Variants in PALD1 observed in about 807,000 individuals in gnomAD.
The protein encoded by PALD1 is phosphatase domain containing paladin 1, also known as paladin.
Under a neutral mutation model 96.0 loss-of-function variants are expected in PALD1, and 57 were observed. The observed-to-expected ratio is 0.59, with a 90% CI of 0.48 to 0.74. PALD1 has a LOEUF of 0.74. Among genes scored for constraint, PALD1 ranks in the 30% least tolerant of loss-of-function variants. PALD1 has a pLI of 0.00. For synonymous variants in PALD1, 464 were observed against 473.6 expected (o/e 0.98, Z 0.26); for missense variants, 1,063 against 1,143.7 (o/e 0.93, Z 1.02).
chr10:70,533,850 T>C (rs1467341204), intron 7 of PALD1, 72 bp from the exon 8 acceptor site: 6 of 1,386,586 alleles, frequency 4.3e-6, no homozygotes, highest in African/African-American at 1.5e-5. Context: ...ATGTCATGCT[T>C]TTCTCCCTGC....
upstream of PALD1, among the ~76,000 whole-genome samples, chr10:70,476,995 G>T (rs533712314): frequency 1.5e-4 from 22 of 151,400 alleles, no homozygotes; most frequent in African/African-American, 5.1e-4. Flanking sequence ...GTATATATTT[G>T]TATACATATA....
rs553227573 is a variant in PALD1 at position 70,484,050 on chromosome 10, T to A, written c.-30+4991T>A. 5.9e-5 allele frequency among the ~76,000 whole-genome samples: 9 copies of A among 152,336 alleles called. No individual in the cohort carries two copies. The East Asian group carries it at 1.7e-3, about 29-fold the overall frequency. On this transcript the variant is annotated intron_variant, in intron 1 of 19. Transcript: ENST00000263563. ...TGGAGTCTCACTCTGTTGCCCAGGC[T>A]GGAGTGCAGTGGCGCATTCTTAGCT...
the PALD1 span, among the ~76,000 whole-genome samples, chr10:70,464,940 TGTATGTATGTA>T: frequency 2.6e-5 from 2 of 76,886 alleles, no homozygotes; most frequent in African/African-American, 1.7e-4. Flanking sequence ...TATGTACACT[TGTATGTATGTA>T]TGTATGTATG....
intron 18 of PALD1, among the ~76,000 whole-genome samples, chr10:70,548,713 C>T (rs781054360): frequency 5.9e-5 from 9 of 152,250 alleles, no homozygotes; most frequent in Non-Finnish European, 8.8e-5. Context: ...AGGGGGCCTG[C>T]CCCAAGCCAG....
chr10:70,478,637 C>G (rs1845868094), upstream of PALD1, among the ~76,000 whole-genome samples: 1 of 152,162 alleles, frequency 6.6e-6, no homozygotes, highest in Admixed American at 6.5e-5. Flanking sequence ...GCGTTCCTCC[C>G]GCCCGGGGGC....
intron 1 of PALD1, among the ~76,000 whole-genome samples, chr10:70,517,395 G>A (rs1038686445): frequency 2.0e-5 from 3 of 148,902 alleles, no homozygotes; most frequent in African/African-American, 5.0e-5. Context: ...AGGCTGGAGT[G>A]CAGTGGTGCA....
chr10:70,533,038 G>A lies in PALD1; in HGVS notation c.838G>A (p.Ala280Thr). ...PLPEQGSPLEAQLDAFVSVLR... is the reference protein window; with the variant it reads ...PLPEQGSPLETQLDAFVSVLR... ...GCCCGAGCAAGGGAGTCCCCTGGAG[G>A]CCCAGTTGGACGCCTTTGTCAGTGT... is the stretch of plus-strand genomic sequence containing the variant. Residue 280 changes from alanine to threonine, a missense_variant, in exon 7 of 20, where the codon GCC becomes ACC. Ala to Thr is a moderately conservative substitution (Grantham distance 58). Transcript: ENST00000263563. 6.3e-7 allele frequency: 1 copy of A among 1,586,352 alleles called. No individual in the cohort carries two copies. Among genetic ancestry groups the A allele is most frequent in the Non-Finnish European group, 8.6e-7 (1 of 1,165,830 alleles).
rs766925536 is a variant in PALD1, at chr10:70,564,383, C to T, written c.2282C>T (p.Ala761Val). The change falls in exon 19 of 20, where the codon GCG becomes GTG. Residue 761 changes from alanine to valine, a missense_variant. Physicochemically the swap from Ala to Val is moderately conservative, Grantham distance 64. Transcript: ENST00000263563. ...TYRQAKAAKE[A>V]QEMRRLQLRS... Reference sequence around the variant, plus strand: ...CTCCAGGCGAAGGCAGCGAAAGAGGCGCAAGAAATGCGGAGGCTGCAGCTG... The same window carrying T: ...CTCCAGGCGAAGGCAGCGAAAGAGGTGCAAGAAATGCGGAGGCTGCAGCTG... 10 of 1,613,682 alleles carry T rather than the reference C, an allele frequency of 6.2e-6. No individual in the cohort carries two copies. Among genetic ancestry groups the T allele is most frequent in the African/African-American group, 5.3e-5 (4 of 75,058 alleles).
At chr10:70,472,574 T>C in the PALD1 span, among the ~76,000 whole-genome samples, 1 of 152,156 alleles carries the variant, frequency 6.6e-6, no homozygotes, top group Admixed American at 6.5e-5. Flanking sequence ...TCTGAGTTAT[T>C]TAAAGGAGGG....
chr10:70,534,842 A>T lies in PALD1; in HGVS notation c.1226A>T (p.Gln409Leu), dbSNP rs759457853. Residue 409 changes from glutamine (Q) to leucine (L), a missense_variant and splice_region_variant, in exon 10 of 20, where the codon CAG becomes CTG. Gln to Leu is a moderately radical substitution (Grantham distance 113, BLOSUM62 -2). Transcript: ENST00000263563. ...GGTATCCGACCGGAGAGCCCAGCCC[A>T]GGTGAGGCATGGAAGGACGTGTGAG... ...LEGIRPESPA[Q>L]GSGSRHSVWQ... 4 of 1,602,774 alleles carry T rather than the reference A, an allele frequency of 2.5e-6. No individual in the cohort carries two copies. In the Admixed American group the frequency reaches 6.7e-5, roughly 27 times the overall value.
intron 1 of PALD1, among the ~76,000 whole-genome samples, chr10:70,496,261 T>C (rs1023226903): frequency 1.3e-5 from 2 of 152,154 alleles, no homozygotes; most frequent in Non-Finnish European, 2.9e-5. Context: ...TAGCTATTTC[T>C]GTTTTATTTT....
upstream of PALD1, among the ~76,000 whole-genome samples, chr10:70,473,781 G>C (rs919761979): frequency 6.6e-6 from 1 of 152,124 alleles, no homozygotes; most frequent in Non-Finnish European, 1.5e-5. Context: ...AAGTAGCTGG[G>C]ATTACAGGCG....
chr10:70,477,034 T>C (rs1347410535), upstream of PALD1, among the ~76,000 whole-genome samples: 2 of 52,298 alleles, frequency 3.8e-5, no homozygotes, highest in Non-Finnish European at 1.3e-4. Context: ...CATGTGTGCA[T>C]ACACATGCAC....
At chr10:70,512,854 C>T (rs1424548191) in intron 1 of PALD1, among the ~76,000 whole-genome samples, 1 of 152,244 alleles carries the variant, frequency 6.6e-6, no homozygotes, top group Non-Finnish European at 1.5e-5. Flanking sequence ...TGCTCACCTC[C>T]TCCAGTGGCA....
Position 70,531,445 on chromosome 10 carries a change from C to T in PALD1, c.624C>T (p.Ile208=). The T allele has an allele frequency of 6.2e-7, 1 of 1,613,402 alleles. No individual in the cohort carries two copies. Among genetic ancestry groups the T allele is most frequent in the Non-Finnish European group, 8.5e-7 (1 of 1,179,646 alleles). Residue 208 remains isoleucine (I), a synonymous_variant, in exon 5 of 20, where the codon ATC becomes ATT. Coordinates refer to ENST00000263563, the MANE Select transcript of PALD1 (RefSeq NM_014431.3). The part of the protein sequence containing the change: ...GVRVESLELA[I]RKEIHDFAQL... ...GGGTGGAGAGCCTGGAGCTGGCCAT[C>T]CGGAAAGAGGTGAGGACCAGTGCGG... is the stretch of plus-strand genomic sequence containing the variant.
intron 18 of PALD1, among the ~76,000 whole-genome samples, chr10:70,558,207 A>G (rs1847654771): frequency 6.6e-6 from 1 of 151,734 alleles, no homozygotes; most frequent in Non-Finnish European, 1.5e-5. Flanking sequence ...CCTGAGCCTC[A>G]GCTGAGTCCA....
chr10:70,545,963 G>A (rs757863708), intron 17 of PALD1, among the ~76,000 whole-genome samples: 4 of 152,166 alleles, frequency 2.6e-5, no homozygotes, highest in East Asian at 1.9e-4. Flanking sequence ...TCGACCAGGC[G>A]TGGTGGCTCA....
the PALD1 span, among the ~76,000 whole-genome samples, chr10:70,466,482 A>G: frequency 6.6e-6 from 1 of 152,266 alleles, no homozygotes; most frequent in East Asian, 1.9e-4. Context: ...TGACTTCGTG[A>G]TCTGCCCATC....
Position 70,568,336 on chromosome 10 carries a change from T to C in PALD1, c.*1603T>C, listed in dbSNP as rs1311724936. On this transcript the variant is annotated 3_prime_UTR_variant, in exon 20 of 20. Coordinates refer to ENST00000263563, the MANE Select transcript of PALD1 (RefSeq NM_014431.3). ...CTCTCTGCCTCAGTTTCCCCATCTG[T>C]AAAATGGGAGAATAATACTTGCCTA... is the stretch of plus-strand genomic sequence containing the variant. 6.6e-6 allele frequency: 1 copy of C among 152,168 alleles called. No homozygotes were observed. Among genetic ancestry groups the C allele is most frequent in the Non-Finnish European group, 1.5e-5 (1 of 68,002 alleles). The allele number at this position is 152,168 out of a possible 1,614,324, so 9.4% of individuals were successfully genotyped here.
Sources: gnomAD v4.1 joint callset for allele counts (sites outside exome capture counted in the v4.1 genomes callset) on GRCh38, gnomAD v4.1.1 for gene constraint, MANE v1.5 for transcripts, NCBI Gene and HGNC (gene_info 2026-07-23, HGNC 2026-07-21) for gene names.